KCNQ1OT1: variants seen among roughly 807,000 people sequenced by gnomAD.
KCNQ1OT1 encodes KCNQ1 antisense RNA 2 (non-protein coding).
rs977788966 is a variant in KCNQ1OT1, at chr11:2,623,861, G to C, written n.76134C>G. Reference sequence around the variant, plus strand: ...AAACCACTGATTTCGATATACTCTGGATTCTTCGGGGGATATGTATACACA... The same window carrying C: ...AAACCACTGATTTCGATATACTCTGCATTCTTCGGGGGATATGTATACACA... On this transcript the variant is annotated non_coding_transcript_exon_variant, in exon 1 of 1. Transcript: ENST00000597346. This position sits in a 1 kb window ranked among gnomAD's most constrained non-coding sequence, Gnocchi z 5.2. 2 of 398,416 alleles carry C rather than the reference G, an allele frequency of 5.0e-6. No individual in the cohort carries two copies. Among genetic ancestry groups the C allele is most frequent in the Non-Finnish European group, 8.8e-6 (2 of 226,054 alleles). The allele number at this position is 398,416 out of a possible 1,614,324, so 24.7% of individuals were successfully genotyped here.
At position 2,678,909 on chromosome 11, in the gene KCNQ1OT1, A is replaced by T; in HGVS notation, n.21086T>A. 3 of 398,630 alleles carry T rather than the reference A, an allele frequency of 7.5e-6. No homozygotes were observed. Among genetic ancestry groups the T allele is most frequent in the Non-Finnish European group, 1.3e-5 (3 of 226,072 alleles). 24.7% of individuals were successfully genotyped at this position (398,630 alleles called of 1,614,324 possible). A position where few individuals can be genotyped will look rare whatever the true frequency, so the allele number is the denominator to read the frequency against. ...GACCATTTCGTATACATGTATGATC[A>T]TACTTTCAGGGCATCTTGGAAAAAC... On this transcript the variant is annotated non_coding_transcript_exon_variant, in exon 1 of 1. Transcript: ENST00000597346. This position sits in a 1 kb window ranked among gnomAD's most constrained non-coding sequence, Gnocchi z 4.9.
chr11:2,641,595 A>G (rs773887182), exon 1 of KCNQ1OT1: 9 of 397,988 alleles, frequency 2.3e-5, no homozygotes, highest in Non-Finnish European at 4.0e-5. Flanking sequence ...CTGTCTCTTC[A>G]CTCTGGTGAT....
Position 2,691,332 on chromosome 11 carries a change from G to A in KCNQ1OT1, n.8663C>T. ...TCTCACCCCTGAGCTACAATCCACT[G>A]CACTTACAGTGACCACCCATCCTGA... On this transcript the variant is annotated non_coding_transcript_exon_variant, in exon 1 of 1. Transcript: ENST00000597346. The surrounding 1 kb of genome is among the most constrained non-coding windows in gnomAD (Gnocchi z 6.4). 2.5e-6 allele frequency: 1 copy of A among 398,632 alleles called. No individual in the cohort carries two copies. Among genetic ancestry groups the A allele is most frequent in the African/African-American group, 2.1e-5 (1 of 48,758 alleles). 24.7% of individuals were successfully genotyped at this position (398,632 alleles called of 1,614,324 possible). A position where few individuals can be genotyped will look rare whatever the true frequency, so the allele number is the denominator to read the frequency against.
chr11:2,624,857 C>G lies in KCNQ1OT1; in HGVS notation n.75138G>C. On this transcript the variant is annotated non_coding_transcript_exon_variant, in exon 1 of 1. Transcript: ENST00000597346. The surrounding 1 kb of genome is among the most constrained non-coding windows in gnomAD (Gnocchi z 4.9). Reference sequence around the variant, plus strand: ...TACAGTACTTCTCTTCTTGTGACTGCTGTATTTCATTTAACATAATGGCCT... The same window carrying G: ...TACAGTACTTCTCTTCTTGTGACTGGTGTATTTCATTTAACATAATGGCCT... 1 of 398,524 alleles carries G rather than the reference C, an allele frequency of 2.5e-6. No homozygotes were observed. The highest frequency in any genetic ancestry group is 4.4e-6 in the Non-Finnish European group (1 of 226,054). The allele number at this position is 398,524 out of a possible 1,614,324, so 24.7% of individuals were successfully genotyped here.
Position 2,626,032 on chromosome 11 carries a change from T to G in KCNQ1OT1, n.73963A>C. On this transcript the variant is annotated non_coding_transcript_exon_variant, in exon 1 of 1. Coordinates refer to ENST00000597346, the Ensembl canonical transcript of KCNQ1OT1. The surrounding 1 kb of genome is among the most constrained non-coding windows in gnomAD (Gnocchi z 4.0). ...TGATATTATTTTAATGCACACAATG[T>G]AAATTTTTAAAATTTATCTAGTTTT... The G allele has an allele frequency of 2.5e-6, 1 of 398,648 alleles. No homozygotes were observed. Among genetic ancestry groups the G allele is most frequent in the East Asian group, 3.6e-5 (1 of 28,084 alleles). 24.7% of individuals were successfully genotyped at this position (398,648 alleles called of 1,614,324 possible).
chr11:2,641,387 T>A (rs1589999283), exon 1 of KCNQ1OT1: 1 of 398,110 alleles, frequency 2.5e-6, no homozygotes, highest in African/African-American at 2.1e-5. Context: ...TAATTACTGA[T>A]GTTGGGCTTT....
At chr11:2,632,973 GT>G (rs1018953991) in exon 1 of KCNQ1OT1, 7 of 398,190 alleles carry the variant, frequency 1.8e-5, no homozygotes, top group Non-Finnish European at 2.7e-5. Flanking sequence ...TCTACTTTTA[GT>G]TTTTTTGACA....
rs1302899567 is a variant in KCNQ1OT1, at chr11:2,683,339, A to T, written n.16656T>A. ...GGCCAGGTTTCCCCCGCTCAACACT[A>T]GGCCACTGTGCCTGCCACTGCTGTC... On this transcript the variant is annotated non_coding_transcript_exon_variant, in exon 1 of 1. Coordinates refer to ENST00000597346, the Ensembl canonical transcript of KCNQ1OT1. The surrounding 1 kb of genome is among the most constrained non-coding windows in gnomAD (Gnocchi z 4.7). 1 of 398,398 alleles carries T rather than the reference A, an allele frequency of 2.5e-6. No homozygotes were observed. Among genetic ancestry groups the T allele is most frequent in the Non-Finnish European group, 4.4e-6 (1 of 226,054 alleles). 24.7% of individuals were successfully genotyped at this position (398,398 alleles called of 1,614,324 possible). A position where few individuals can be genotyped will look rare whatever the true frequency, so the allele number is the denominator to read the frequency against.
Position 2,626,964 on chromosome 11 carries a change from C to A in KCNQ1OT1, n.73031G>T. ...GGTTTCTTCTTTCTGCAAATAACATCATTAGGATTTTTATTGGGATTACCT... is the reference window on the plus strand; with the variant it reads ...GGTTTCTTCTTTCTGCAAATAACATAATTAGGATTTTTATTGGGATTACCT... On this transcript the variant is annotated non_coding_transcript_exon_variant, in exon 1 of 1. Transcript: ENST00000597346. The surrounding 1 kb of genome is among the most constrained non-coding windows in gnomAD (Gnocchi z 4.0). 1 of 398,588 alleles carries A rather than the reference C, an allele frequency of 2.5e-6. No homozygotes were observed. Among genetic ancestry groups the A allele is most frequent in the Non-Finnish European group, 4.4e-6 (1 of 226,054 alleles). 24.7% of individuals were successfully genotyped at this position (398,588 alleles called of 1,614,324 possible).
chr11:2,641,669 T>G (rs1226917077), exon 1 of KCNQ1OT1: 1 of 398,358 alleles, frequency 2.5e-6, no homozygotes, highest in Non-Finnish European at 4.4e-6. Context: ...TTTTTGTTTT[T>G]GTCTGTGTTT....
At chr11:2,622,030 A>C in exon 1 of KCNQ1OT1, 1 of 397,944 alleles carries the variant, frequency 2.5e-6, no homozygotes. Flanking sequence ...CCCTCTTAGA[A>C]CTGCTTTTGC....
Position 2,676,306 on chromosome 11 carries a change from A to G in KCNQ1OT1, n.23689T>C. 2.5e-6 allele frequency: 1 copy of G among 398,658 alleles called. No individual in the cohort carries two copies. Among genetic ancestry groups the G allele is most frequent in the Non-Finnish European group, 4.4e-6 (1 of 226,080 alleles). 24.7% of individuals were successfully genotyped at this position (398,658 alleles called of 1,614,324 possible). A position where few individuals can be genotyped will look rare whatever the true frequency, so the allele number is the denominator to read the frequency against. On this transcript the variant is annotated non_coding_transcript_exon_variant, in exon 1 of 1. Transcript: ENST00000597346. This position sits in a 1 kb window ranked among gnomAD's most constrained non-coding sequence, Gnocchi z 4.2. ...CATGTATACAGACACACGTGTGAAC[A>G]GGTGATGGCTCTGAACAGTGTAGTT...
exon 1 of KCNQ1OT1, chr11:2,667,763 C>G (rs1321014425): frequency 1.5e-5 from 6 of 398,616 alleles, no homozygotes; most frequent in Non-Finnish European, 2.2e-5. Flanking sequence ...CCTAGCGGCC[C>G]TGAAGGCCAG....
chr11:2,660,329 A>G (rs1849929207), exon 1 of KCNQ1OT1: 1 of 398,392 alleles, frequency 2.5e-6, no homozygotes, highest in African/African-American at 2.1e-5. Context: ...ACATTCAAAT[A>G]GTGAAATTAG....
exon 1 of KCNQ1OT1, chr11:2,672,110 C>T (rs1045607749): frequency 2.0e-5 from 8 of 398,644 alleles, no homozygotes; most frequent in Non-Finnish European, 3.5e-5. Flanking sequence ...CACAGGGGAC[C>T]TTTCTTCTCC....
chr11:2,628,331 A>G (rs1243182359), exon 1 of KCNQ1OT1: 2 of 398,414 alleles, frequency 5.0e-6, no homozygotes, highest in Non-Finnish European at 8.8e-6. Context: ...TAGCGATTCT[A>G]ACAGTTATGA....
At chr11:2,634,024 T>G (rs975317714) in exon 1 of KCNQ1OT1, 1 of 398,538 alleles carries the variant, frequency 2.5e-6, no homozygotes, top group African/African-American at 2.1e-5. Flanking sequence ...GTGTAGTGCC[T>G]CCAGCTTCAT....
At position 2,621,955 on chromosome 11, in the gene KCNQ1OT1, A is replaced by G. The variant is rs939479285; in HGVS notation, n.78040T>C. On this transcript the variant is annotated non_coding_transcript_exon_variant, in exon 1 of 1. Transcript: ENST00000597346. The surrounding 1 kb of genome is among the most constrained non-coding windows in gnomAD (Gnocchi z 5.7). ...TCTTTTTCTAATTCCTTGAGGTACAATTTTGGGCTATTTGAAATATCTCTT... is the reference window on the plus strand; with the variant it reads ...TCTTTTTCTAATTCCTTGAGGTACAGTTTTGGGCTATTTGAAATATCTCTT... 2.3e-5 allele frequency: 9 copies of G among 397,958 alleles called. No individual in the cohort carries two copies. Among genetic ancestry groups the G allele is most frequent in the African/African-American group, 6.2e-5 (3 of 48,526 alleles). 24.7% of individuals were successfully genotyped at this position (397,958 alleles called of 1,614,324 possible).
In KCNQ1OT1 at chr11:2,627,656, C is replaced by T; in HGVS notation, n.72339G>A. 1 of 398,316 alleles carries T rather than the reference C, an allele frequency of 2.5e-6. No individual in the cohort carries two copies. The highest frequency in any genetic ancestry group is 3.6e-5 in the East Asian group (1 of 28,074). The allele number at this position is 398,316 out of a possible 1,614,324, so 24.7% of individuals were successfully genotyped here. On this transcript the variant is annotated non_coding_transcript_exon_variant, in exon 1 of 1. Coordinates refer to ENST00000597346, the Ensembl canonical transcript of KCNQ1OT1. The surrounding 1 kb of genome is among the most constrained non-coding windows in gnomAD (Gnocchi z 4.9). ...CCTGCTTTTTAAAGGATGAATATTT[C>T]ATTGTGTGTGTGTATATATGTGTGT... is the stretch of plus-strand genomic sequence containing the variant.
Sources: allele counts gnomAD v4.1 joint callset, GRCh38; gene constraint gnomAD v4.1.1; non-coding constraint Gnocchi (gnomAD v3.1); transcripts MANE v1.5; gene names NCBI Gene and HGNC (gene_info 2026-07-23, HGNC 2026-07-21).